Variants in CADM2 observed in about 807,000 individuals in gnomAD.
The protein encoded by CADM2 is cell adhesion molecule 2.
A neutral mutation model predicts 49.8 loss-of-function variants in CADM2; 12 were observed. The observed-to-expected ratio is 0.24, with a 90% CI of 0.15 to 0.39. The LOEUF (loss-of-function observed/expected upper bound fraction) is 0.39, where lower values mean the gene tolerates loss of function less well. CADM2 is among the 10% of genes least tolerant of loss of function. CADM2 has a pLI of 1.00. For missense variants in CADM2, 378 were observed against 492.3 expected (o/e 0.77, Z 2.20); for synonymous variants, 214 against 175.4 (o/e 1.22, Z -1.74).
At chr3:86,044,278 C>T (rs1273169099) in intron 8 of CADM2, among the ~76,000 whole-genome samples, 2 of 152,020 alleles carry the variant, frequency 1.3e-5, no homozygotes, top group Non-Finnish European at 2.9e-5. Context: ...ACAGGCAACC[C>T]ACAGAAAGGG....
intron 1 of CADM2, among the ~76,000 whole-genome samples, chr3:85,375,143 A>G (rs959107525): frequency 5.9e-5 from 9 of 152,326 alleles, no homozygotes; most frequent in South Asian, 2.1e-4. Context: ...TATGCTTTAT[A>G]TAGAAGATTT....
chr3:85,382,327 A>G (rs1315882769), intron 1 of CADM2, among the ~76,000 whole-genome samples: 2 of 152,136 alleles, frequency 1.3e-5, no homozygotes, highest in Non-Finnish European at 2.9e-5. Flanking sequence ...AAGCGTAGAG[A>G]GAAGTCTGGG....
intron 1 of CADM2, among the ~76,000 whole-genome samples, chr3:85,686,532 C>T (rs1228482711): frequency 6.6e-6 from 1 of 152,084 alleles, no homozygotes; most frequent in African/African-American, 2.4e-5. Flanking sequence ...AGTCTTTTGG[C>T]TTAACAATTA....
intron 1 of CADM2, among the ~76,000 whole-genome samples, chr3:84,990,821 T>G (rs1000747933): frequency 6.6e-6 from 1 of 152,104 alleles, no homozygotes; most frequent in Non-Finnish European, 1.5e-5. Context: ...CACATAAGCT[T>G]ATTAATTCTT....
At chr3:85,541,435 A>G (rs1205648648) in intron 1 of CADM2, among the ~76,000 whole-genome samples, 1 of 150,776 alleles carries the variant, frequency 6.6e-6, no homozygotes, top group Non-Finnish European at 1.5e-5. Flanking sequence ...TTTGACATGT[A>G]TTATTAATAG....
At chr3:85,741,424 C>A (rs2068380627) in intron 2 of CADM2, among the ~76,000 whole-genome samples, 1 of 152,048 alleles carries the variant, frequency 6.6e-6, no homozygotes, top group Non-Finnish European at 1.5e-5. Flanking sequence ...ATTCCCAGCA[C>A]TTTGGAAGGC....
intron 6 of CADM2, among the ~76,000 whole-genome samples, chr3:85,914,265 T>C (rs1316712720): frequency 6.6e-6 from 1 of 152,118 alleles, no homozygotes; most frequent in Non-Finnish European, 1.5e-5. Flanking sequence ...ATTTTGGCTT[T>C]GGGAAAATTA....
intron 1 of CADM2, among the ~76,000 whole-genome samples, chr3:85,561,350 C>T (rs970742410): frequency 1.3e-5 from 2 of 152,106 alleles, no homozygotes; most frequent in Admixed American, 6.5e-5. Flanking sequence ...ATTACACTGA[C>T]ACCATGTTTA....
At chr3:86,039,751 G>A (rs1559817913) in intron 8 of CADM2, among the ~76,000 whole-genome samples, 1 of 152,154 alleles carries the variant, frequency 6.6e-6, no homozygotes, top group Non-Finnish European at 1.5e-5. Flanking sequence ...CTCCCAGCAG[G>A]CAGCTGGAGA....
intron 2 of CADM2, among the ~76,000 whole-genome samples, chr3:85,763,430 T>C (rs1488045227): frequency 2.6e-5 from 4 of 152,200 alleles, no homozygotes; most frequent in Non-Finnish European, 5.9e-5. Flanking sequence ...AATAACACCA[T>C]CTTCACCCAT....
chr3:85,194,060 C>G (rs566381927), intron 1 of CADM2, among the ~76,000 whole-genome samples: 2 of 152,108 alleles, frequency 1.3e-5, no homozygotes, highest in African/African-American at 4.8e-5. Flanking sequence ...GTCAGAGAAG[C>G]CTTCCTAAAG....
intron 1 of CADM2, among the ~76,000 whole-genome samples, chr3:85,461,753 C>A (rs2038255964): frequency 6.6e-6 from 1 of 152,126 alleles, no homozygotes; most frequent in Admixed American, 6.6e-5. Context: ...TTTGCACAGC[C>A]AATTCTCTCA....
chr3:85,440,367 C>T (rs1054773078), intron 1 of CADM2, among the ~76,000 whole-genome samples: 16 of 152,124 alleles, frequency 1.1e-4, no homozygotes, highest in Admixed American at 5.2e-4. Flanking sequence ...CTTAGGTTTC[C>T]GACTGTAAAG....
intron 1 of CADM2, among the ~76,000 whole-genome samples, chr3:85,451,074 T>C (rs966201509): frequency 1.3e-5 from 2 of 152,054 alleles, no homozygotes; most frequent in Non-Finnish European, 2.9e-5. Flanking sequence ...AGGTAGATAA[T>C]CAAAAATAAA....
At chr3:86,027,397 G>A (rs1734025373) in intron 8 of CADM2, among the ~76,000 whole-genome samples, 1 of 152,152 alleles carries the variant, frequency 6.6e-6, no homozygotes, top group South Asian at 2.1e-4. Context: ...AGCCTCAGTA[G>A]AGAGGAGATA....
chr3:85,995,098 A>G, intron 8 of CADM2, among the ~76,000 whole-genome samples: 1 of 151,814 alleles, frequency 6.6e-6, no homozygotes, highest in East Asian at 1.9e-4. Context: ...ACACAAACAG[A>G]CAACAGCTGT....
chr3:85,132,215 C>T (rs1386157768), intron 1 of CADM2, among the ~76,000 whole-genome samples: 1 of 152,166 alleles, frequency 6.6e-6, no homozygotes. Flanking sequence ...ACTTACAAGG[C>T]TCTTAATTTG....
At chr3:85,697,967 T>A (rs2066623018) in intron 1 of CADM2, among the ~76,000 whole-genome samples, 1 of 152,176 alleles carries the variant, frequency 6.6e-6, no homozygotes, top group Non-Finnish European at 1.5e-5. Context: ...ACCCAAGCAT[T>A]TTTTGTATTG....
At chr3:85,664,619 G>C (rs2065510094) in intron 1 of CADM2, among the ~76,000 whole-genome samples, 1 of 151,780 alleles carries the variant, frequency 6.6e-6, no homozygotes, top group African/African-American at 2.4e-5. Flanking sequence ...GCCACTAATA[G>C]ATCTCTCTGA....
Sources: allele counts gnomAD v4.1 joint callset (sites outside exome capture counted in the v4.1 genomes callset), GRCh38; gene constraint gnomAD v4.1.1; transcripts MANE v1.5; gene names NCBI Gene and HGNC (gene_info 2026-07-23, HGNC 2026-07-21).